The following SLC9A9 variants were observed in gnomAD, a reference collection of about 807,000 sequenced individuals.
SLC9A9 encodes the protein solute carrier family 9 member A9, also known as sodium/hydrogen exchanger 9.
Under a neutral mutation model 77.8 loss-of-function variants are expected in SLC9A9, and 62 were observed. That is an observed-to-expected ratio of 0.80 (90% CI 0.65 to 0.98). The LOEUF is 0.98. SLC9A9 is among the 50% of genes least tolerant of loss of function. The probability of loss-of-function intolerance (pLI) is 0.00; values close to 1 mark genes in which losing one functional copy is unlikely to be tolerated. For missense variants in SLC9A9, 775 were observed against 774.9 expected (o/e 1.00, Z 0.00); for synonymous variants, 320 against 283.5 (o/e 1.13, Z -1.29).
chr3:143,284,473 C>T (rs923055902), intron 14 of SLC9A9, among the ~76,000 whole-genome samples: 4 of 151,288 alleles, frequency 2.6e-5, no homozygotes, highest in Admixed American at 2.0e-4. Context: ...TTGATTGTGA[C>T]CTTCAGCCAG....
At chr3:143,475,612 GA>G (rs2035462130) in intron 11 of SLC9A9, among the ~76,000 whole-genome samples, 2 of 151,950 alleles carry the variant, frequency 1.3e-5, no homozygotes, top group South Asian at 4.2e-4. Flanking sequence ...CTAACACGGT[GA>G]AACCCCGTCT....
chr3:143,427,882 C>T (rs1160285674), intron 12 of SLC9A9, among the ~76,000 whole-genome samples: 2 of 152,174 alleles, frequency 1.3e-5, no homozygotes, highest in East Asian at 1.9e-4. Flanking sequence ...CTACCCCTCC[C>T]CCATGCAGAA....
At chr3:143,435,003 C>T (rs2034594729) in intron 12 of SLC9A9, among the ~76,000 whole-genome samples, 2 of 152,180 alleles carry the variant, frequency 1.3e-5, no homozygotes, top group South Asian at 2.1e-4. Flanking sequence ...CCTGATTTCT[C>T]TCAGGCAGGG....
At chr3:143,581,842 G>A (rs376502990) in intron 6 of SLC9A9, among the ~76,000 whole-genome samples, 41 of 152,290 alleles carry the variant, frequency 2.7e-4, no homozygotes, top group Admixed American at 1.4e-3. Context: ...CAACAGCACC[G>A]TCTCTCCTGG....
chr3:143,703,674 G>A (rs11919924), intron 4 of SLC9A9, among the ~76,000 whole-genome samples: 81,134 of 151,574 alleles, frequency 0.54, 22,065 homozygotes, highest in Non-Finnish European at 0.57. Flanking sequence ...AAGAAAGAGC[G>A]AACCAAACCC....
chr3:143,334,236 G>A (rs1176380703), intron 14 of SLC9A9, among the ~76,000 whole-genome samples: 1 of 150,620 alleles, frequency 6.6e-6, no homozygotes, highest in Non-Finnish European at 1.5e-5. Flanking sequence ...TTGTCTCTTA[G>A]GAGATGTCTG....
At chr3:143,388,543 T>C (rs1019419094) in intron 12 of SLC9A9, among the ~76,000 whole-genome samples, 2 of 152,178 alleles carry the variant, frequency 1.3e-5, no homozygotes, top group Non-Finnish European at 2.9e-5. Flanking sequence ...ATTATAAGGA[T>C]GAAATGAGTT....
intron 14 of SLC9A9, among the ~76,000 whole-genome samples, chr3:143,360,909 T>C (rs1246383588): frequency 6.6e-6 from 1 of 152,232 alleles, no homozygotes; most frequent in Non-Finnish European, 1.5e-5. Context: ...ATATCTGCGA[T>C]TGACACTAAG....
chr3:143,576,947 CT>C, intron 7 of SLC9A9, among the ~76,000 whole-genome samples: 1 of 152,226 alleles, frequency 6.6e-6, no homozygotes, highest in East Asian at 1.9e-4. Flanking sequence ...TGACTGTCTC[CT>C]TTTCTTTATC....
At chr3:143,796,217 A>G (rs2008381387) in intron 3 of SLC9A9, among the ~76,000 whole-genome samples, 1 of 152,220 alleles carries the variant, frequency 6.6e-6, no homozygotes, top group Admixed American at 6.5e-5. Context: ...ACAAGTGCAT[A>G]GAAACTGTAA....
intron 4 of SLC9A9, among the ~76,000 whole-genome samples, chr3:143,700,339 C>T (rs6774032): frequency 0.8 from 121,985 of 152,050 alleles, 49,552 homozygotes; most frequent in East Asian, 0.93. Flanking sequence ...ACTTGCACCT[C>T]AGGTATCTGC....
intron 15 of SLC9A9, 66 bp from the exon 16 acceptor site, chr3:143,266,995 A>G (rs1418236149): frequency 1.9e-5 from 23 of 1,234,472 alleles, no homozygotes; most frequent in East Asian, 2.6e-5. Context: ...CAGTCCTACA[A>G]TTTTTTTTTT....
At chr3:143,518,824 A>C (rs766226665) in intron 9 of SLC9A9, among the ~76,000 whole-genome samples, 5 of 152,188 alleles carry the variant, frequency 3.3e-5, no homozygotes, top group Non-Finnish European at 7.3e-5. Flanking sequence ...TTGCTATAAC[A>C]AACAGTGGAA....
At chr3:143,451,841 C>T (rs962696064) in intron 12 of SLC9A9, among the ~76,000 whole-genome samples, 14 of 151,998 alleles carry the variant, frequency 9.2e-5, no homozygotes, top group African/African-American at 3.4e-4. Flanking sequence ...TGAGTATTTC[C>T]TCTCAACATG....
At chr3:143,796,437 T>C (rs776514387) in intron 3 of SLC9A9, among the ~76,000 whole-genome samples, 1 of 152,240 alleles carries the variant, frequency 6.6e-6, no homozygotes, top group Non-Finnish European at 1.5e-5. Context: ...AAATAGGTTT[T>C]GATAATGTTT....
At chr3:143,692,928 T>C (rs932866492) in intron 5 of SLC9A9, among the ~76,000 whole-genome samples, 1 of 152,164 alleles carries the variant, frequency 6.6e-6, no homozygotes, top group African/African-American at 2.4e-5. Context: ...GGACCACTGG[T>C]TGGACAAGCT....
At chr3:143,466,813 A>G (rs2035287469) in intron 12 of SLC9A9, among the ~76,000 whole-genome samples, 1 of 152,220 alleles carries the variant, frequency 6.6e-6, no homozygotes, top group South Asian at 2.1e-4. Context: ...TTCTAGGGAC[A>G]GACTATAAAC....
intron 14 of SLC9A9, among the ~76,000 whole-genome samples, chr3:143,335,659 G>C (rs2031900961): frequency 6.6e-6 from 1 of 152,080 alleles, no homozygotes; most frequent in Non-Finnish European, 1.5e-5. Flanking sequence ...CACACAATGG[G>C]GAAAGGATAG....
intron 11 of SLC9A9, among the ~76,000 whole-genome samples, chr3:143,481,202 A>T (rs965305345): frequency 2.6e-5 from 4 of 152,202 alleles, no homozygotes; most frequent in Non-Finnish European, 4.4e-5. Context: ...CAGGCAAACT[A>T]AAAATCATGG....
Sources: gnomAD v4.1 joint callset for allele counts (sites outside exome capture counted in the v4.1 genomes callset) on GRCh38, gnomAD v4.1.1 for gene constraint, MANE v1.5 for transcripts, NCBI Gene and HGNC (gene_info 2026-07-23, HGNC 2026-07-21) for gene names.